LARP1: variants seen among roughly 807,000 people sequenced by gnomAD.
LARP1 encodes La ribonucleoprotein 1, translational regulator, also known as la-related protein 1.
In LARP1, 36 loss-of-function variants were observed where a neutral mutation model predicts 122.7. The observed-to-expected ratio is 0.29, with a 90% CI of 0.22 to 0.39. The LOEUF is 0.39. Among genes scored for constraint, LARP1 ranks in the 10% least tolerant of loss-of-function variants. The probability of loss-of-function intolerance (pLI) is 1.00; values close to 1 mark genes in which losing one functional copy is unlikely to be tolerated. For missense variants in LARP1, 1,040 were observed against 1,403.6 expected, an observed-to-expected ratio of 0.74 and a Z score of 4.14; for synonymous variants, 539 against 528.7, an observed-to-expected ratio of 1.02 and a Z score of -0.27.
chr5:154,703,284 T>C (rs1754806885), intron 1 of LARP1, among the ~76,000 whole-genome samples: 1 of 152,188 alleles, frequency 6.6e-6, no homozygotes, highest in African/African-American at 2.4e-5. Context: ...ATCTATACAC[T>C]TTCAGCATCT....
rs112844137 is a variant in LARP1, at chr5:154,777,227, G to A, written c.437-13098G>A. ...ATAGAAAAAGTATTGTAGGTCGGCCGCGGTGGCTCATGCCTGTAATCCCAG... is the reference window on the plus strand; with the variant it reads ...ATAGAAAAAGTATTGTAGGTCGGCCACGGTGGCTCATGCCTGTAATCCCAG... On this transcript the variant is annotated intron_variant, in intron 1 of 18. Transcript: ENST00000518297. Among the ~76,000 whole-genome samples, 12 of 152,260 alleles carry A rather than the reference G, an allele frequency of 7.9e-5. No individual in the cohort carries two copies. In the East Asian group the frequency reaches 9.7e-4, roughly 12 times the overall value.
Position 154,720,854 on chromosome 5 carries a change from G to A in LARP1, c.205+7724G>A, listed in dbSNP as rs1582201930. Among the ~76,000 whole-genome samples the A allele has an allele frequency of 3.3e-5, 5 of 152,144 alleles. No individual in the cohort carries two copies. The South Asian group carries it at 8.3e-4, about 25-fold the overall frequency. ...TGGGCCAGTGGTTTGCAAACTGCGG[G>A]CTACGGAACCCTGAAGATTCTGGAA... On this transcript the variant is annotated intron_variant, in intron 1 of 18. Coordinates refer to the LARP1 transcript ENST00000336314.
chr5:154,722,663 A>G (rs1755946029), intron 1 of LARP1, among the ~76,000 whole-genome samples: 1 of 147,810 alleles, frequency 6.8e-6, no homozygotes. Context: ...AAGGGACCTC[A>G]TGCATCTTTC....
intron 10 of LARP1, 65 bp from the exon 11 acceptor site, chr5:154,801,942 T>C: frequency 6.8e-7 from 1 of 1,480,410 alleles, no homozygotes; most frequent in Non-Finnish European, 9.1e-7. Flanking sequence ...TCTCATGGTA[T>C]AGCTACAGAA....
intron 1 of LARP1, among the ~76,000 whole-genome samples, chr5:154,740,296 G>A (rs1582250997): frequency 1.3e-5 from 2 of 151,876 alleles, no homozygotes; most frequent in South Asian, 2.1e-4. Context: ...GGGAGGCTGA[G>A]GCAGGAGAAT....
At chr5:154,735,795 T>C (rs1427479741) in intron 1 of LARP1, among the ~76,000 whole-genome samples, 1 of 151,712 alleles carries the variant, frequency 6.6e-6, no homozygotes, top group Non-Finnish European at 1.5e-5. Context: ...GGTCTCAAAC[T>C]CCTGACCTCA....
chr5:154,794,085 C>T lies in LARP1; in HGVS notation c.1070-15C>T. 6.2e-7 allele frequency: 1 copy of T among 1,613,876 alleles called. No individual in the cohort carries two copies. The highest frequency in any genetic ancestry group is 8.5e-7 in the Non-Finnish European group (1 of 1,179,848). On this transcript the variant is annotated splice_polypyrimidine_tract_variant and intron_variant, in intron 6 of 18. Transcript: ENST00000518297. ...AGGAATCTCCTCTCCCTCATGGCACCCGTTTCCCCCATAGCCCATTTTGAC... is the reference window on the plus strand; with the variant it reads ...AGGAATCTCCTCTCCCTCATGGCACTCGTTTCCCCCATAGCCCATTTTGAC...
chr5:154,722,866 G>A (rs1224717676), intron 1 of LARP1, among the ~76,000 whole-genome samples: 1 of 151,888 alleles, frequency 6.6e-6, no homozygotes, highest in Non-Finnish European at 1.5e-5. Flanking sequence ...TTTTTAGTAG[G>A]GATGGGGTTT....
chr5:154,762,920 C>T (rs914786572), intron 1 of LARP1, among the ~76,000 whole-genome samples: 2 of 152,116 alleles, frequency 1.3e-5, no homozygotes, highest in African/African-American at 4.8e-5. Flanking sequence ...GGTTTTTGCT[C>T]TGCTTTTCAC....
chr5:154,775,116 T>C (rs1015825297), intron 1 of LARP1, among the ~76,000 whole-genome samples: 4 of 152,008 alleles, frequency 2.6e-5, no homozygotes, highest in Admixed American at 1.3e-4. Context: ...TCAGTCTAGC[T>C]TGGACAAGAT....
upstream of LARP1, among the ~76,000 whole-genome samples, chr5:154,755,294 C>T (rs1753751919): frequency 6.8e-6 from 1 of 147,652 alleles, no homozygotes; most frequent in Non-Finnish European, 1.5e-5. Flanking sequence ...TCCCCTCGCC[C>T]GCCGCGTCGT....
chr5:154,727,562 G>A (rs1488609192), intron 1 of LARP1, among the ~76,000 whole-genome samples: 1 of 152,148 alleles, frequency 6.6e-6, no homozygotes, highest in Admixed American at 6.6e-5. Context: ...GGAGGATTCA[G>A]TTTAAGGAAT....
chr5:154,757,087 G>C (rs1299446843), intron 1 of LARP1: 2 of 149,136 alleles, frequency 1.3e-5, no homozygotes, highest in Non-Finnish European at 3.0e-5. Flanking sequence ...AGGAGGGTGC[G>C]GGCCCGCGGC....
At chr5:154,804,993 A>C in intron 14 of LARP1, 1 of 445,272 alleles carries the variant, frequency 2.2e-6, no homozygotes, top group South Asian at 1.6e-5. Flanking sequence ...CCAAAAGCCT[A>C]CTGTTAACCA....
chr5:154,749,222 C>G (rs1753355567), intron 1 of LARP1, among the ~76,000 whole-genome samples: 1 of 152,070 alleles, frequency 6.6e-6, no homozygotes. Context: ...GTGAGGAAGC[C>G]CATCACGGGA....
chr5:154,708,362 C>T (rs750828967), upstream of LARP1, among the ~76,000 whole-genome samples: 3 of 152,140 alleles, frequency 2.0e-5, no homozygotes, highest in Non-Finnish European at 4.4e-5. Context: ...ATATGTCACA[C>T]GAGTTTTGCA....
Position 154,755,936 on chromosome 5 carries a change from G to C in LARP1, c.179G>C (p.Cys60Ser). Residue 60 changes from cysteine to serine, a missense_variant, in exon 1 of 19, where the codon TGC becomes TCC. Around this residue, in one of 8 missense-constraint regions of LARP1, gnomAD observed 257 missense variants for 273.3 expected, o/e 0.94. Transcript: ENST00000518297. ...AGCGCTCGGAGACCCCGGCCGCCCTGCGCCAAGCCGCACAAGGAGGGCACC... is the reference window on the plus strand; with the variant it reads ...AGCGCTCGGAGACCCCGGCCGCCCTCCGCCAAGCCGCACAAGGAGGGCACC... Reference protein sequence around the residue: ...DGSARRPRPPCAKPHKEGTGQ... With the variant: ...DGSARRPRPPSAKPHKEGTGQ... The C allele has an allele frequency of 3.0e-6, 3 of 1,001,890 alleles. No individual in the cohort carries two copies. Among genetic ancestry groups the C allele is most frequent in the Non-Finnish European group, 2.4e-6 (2 of 841,416 alleles). The allele number at this position is 1,001,890 out of a possible 1,614,324, so 62.1% of individuals were successfully genotyped here. A position where few individuals can be genotyped will look rare whatever the true frequency, so the allele number is the denominator to read the frequency against.
At chr5:154,766,360 T>C (rs764802125) in intron 1 of LARP1, among the ~76,000 whole-genome samples, 1 of 152,266 alleles carries the variant, frequency 6.6e-6, no homozygotes, top group African/African-American at 2.4e-5. Context: ...TTTGATCCTT[T>C]AGGGCAAGGT....
chr5:154,704,195 C>T (rs780881046), intron 1 of LARP1, among the ~76,000 whole-genome samples: 4 of 152,174 alleles, frequency 2.6e-5, no homozygotes, highest in Admixed American at 6.6e-5. Context: ...ATTACAAGTA[C>T]GATAAGCACT....
Sources: allele counts gnomAD v4.1 joint callset (sites outside exome capture counted in the v4.1 genomes callset), GRCh38; gene constraint gnomAD v4.1.1; regional missense constraint gnomAD v4.1.1; transcripts MANE v1.5; gene names NCBI Gene and HGNC (gene_info 2026-07-23, HGNC 2026-07-21).